Variants in GLRA3 observed in about 807,000 individuals in gnomAD.
GLRA3 encodes the protein glycine receptor alpha 3.
GLRA3 carries 44 observed loss-of-function variants against 60.4 expected under a neutral mutation model. That is an observed-to-expected ratio of 0.73 (90% CI 0.57 to 0.94). The LOEUF is 0.94. Among genes scored for constraint, GLRA3 ranks in the 40% least tolerant of loss-of-function variants. The pLI, the probability that GLRA3 is intolerant of heterozygous loss-of-function variation, is 0.00. For synonymous variants in GLRA3, 223 were observed against 192.9 expected (o/e 1.16, Z -1.29); for missense variants, 508 against 564.6 (o/e 0.90, Z 1.02).
chr4:174,784,522 A>C (rs1056471700), intron 2 of GLRA3, among the ~76,000 whole-genome samples: 1 of 151,840 alleles, frequency 6.6e-6, no homozygotes, highest in Non-Finnish European at 1.5e-5. Flanking sequence ...TAATAACATC[A>C]AAACTTAGAT....
intron 2 of GLRA3, among the ~76,000 whole-genome samples, chr4:174,787,006 C>T (rs1186987471): frequency 6.6e-6 from 1 of 152,048 alleles, no homozygotes; most frequent in Admixed American, 6.5e-5. Context: ...TTTTAAGCAA[C>T]ACCAAATCCT....
At position 174,692,711 on chromosome 4, in the gene GLRA3, T is replaced by A. The variant is rs1485309385; in HGVS notation, c.575-9772A>T. 2.6e-5 allele frequency among the ~76,000 whole-genome samples: 4 copies of A among 151,638 alleles called. No individual in the cohort carries two copies. The East Asian group carries it at 7.7e-4, about 29-fold the overall frequency. ...TAAATGGATTAAGGGCGGTGCAAGA[T>A]GTGCTTTGTTAAACAGATGCTTGAA... On this transcript the variant is annotated intron_variant, in intron 5 of 9. Transcript: ENST00000274093.
intron 3 of GLRA3, among the ~76,000 whole-genome samples, chr4:174,736,486 C>T (rs148281504): frequency 2.6e-5 from 4 of 152,218 alleles, no homozygotes; most frequent in African/African-American, 9.6e-5. Context: ...TCCTCCTCCT[C>T]TAGTCTCTGG....
chr4:174,750,731 T>G (rs1737440811), intron 3 of GLRA3, among the ~76,000 whole-genome samples: 1 of 152,082 alleles, frequency 6.6e-6, no homozygotes, highest in South Asian at 2.1e-4. Context: ...GGAGTGGTAT[T>G]CATAACATGT....
chr4:174,642,413 A>C lies in GLRA3; in HGVS notation c.*1373T>G. The C allele has an allele frequency of 1.0e-6, 1 of 958,084 alleles. No individual in the cohort carries two copies. The highest frequency in any genetic ancestry group is 1.8e-5 in the African/African-American group (1 of 56,764). The allele number at this position is 958,084 out of a possible 1,614,324, so 59.3% of individuals were successfully genotyped here. ...CCAATAATTAAAATACCTAAAAAGC[A>C]TTCCAAAGCTTTTCCAAATAAATTT... On this transcript the variant is annotated 3_prime_UTR_variant, in exon 10 of 10. Transcript: ENST00000274093.
chr4:174,823,242 T>TC (rs1740817762), intron 1 of GLRA3, among the ~76,000 whole-genome samples: 1 of 67,248 alleles, frequency 1.5e-5, no homozygotes, highest in Non-Finnish European at 4.1e-5. Flanking sequence ...AAACTAAAAC[T>TC]CAAAAAAAAA....
At chr4:174,760,910 T>C (rs80085674) in intron 3 of GLRA3, among the ~76,000 whole-genome samples, 6,078 of 152,256 alleles carry the variant, frequency 0.04, 330 homozygotes, top group African/African-American at 0.12. Context: ...TATACAAGCA[T>C]GGAGTATCTC....
chr4:174,778,701 A>G (rs1469106174), intron 2 of GLRA3, among the ~76,000 whole-genome samples: 1 of 152,222 alleles, frequency 6.6e-6, no homozygotes, highest in Non-Finnish European at 1.5e-5. Flanking sequence ...TTCCGAGTCA[A>G]AGAAAGGGGT....
At chr4:174,670,784 A>C (rs1733874146) in intron 7 of GLRA3, among the ~76,000 whole-genome samples, 1 of 152,136 alleles carries the variant, frequency 6.6e-6, no homozygotes, top group Non-Finnish European at 1.5e-5. Flanking sequence ...GATGAAATCT[A>C]GTAAGTCTAG....
At chr4:174,733,663 T>C (rs1198245807) in intron 3 of GLRA3, among the ~76,000 whole-genome samples, 1 of 152,194 alleles carries the variant, frequency 6.6e-6, no homozygotes. Flanking sequence ...AAATAAACAG[T>C]TCACCTTGCC....
At chr4:174,746,240 CCTAA>C (rs1458331132) in intron 3 of GLRA3, among the ~76,000 whole-genome samples, 3 of 152,090 alleles carry the variant, frequency 2.0e-5, no homozygotes, top group Admixed American at 6.6e-5. Flanking sequence ...ATGGAATAAA[CCTAA>C]CTGTCTATTA....
At chr4:174,734,874 A>T (rs1736708864) in intron 3 of GLRA3, among the ~76,000 whole-genome samples, 1 of 152,200 alleles carries the variant, frequency 6.6e-6, no homozygotes, top group South Asian at 2.1e-4. Flanking sequence ...ACTCTTTCAG[A>T]AGTTGAAATA....
intron 4 of GLRA3, among the ~76,000 whole-genome samples, chr4:174,725,544 G>A (rs923419434): frequency 1.3e-5 from 2 of 152,110 alleles, no homozygotes; most frequent in African/African-American, 2.4e-5. Context: ...GCAGTGGTGC[G>A]ATCTGGGCTC....
Position 174,643,751 on chromosome 4 carries a change from G to T in GLRA3, c.*35C>A. ...ACCTATGGCAGAGACACTTTCTTCTGAATTGACCATTTGCATTTGCATGCC... is the reference window on the plus strand; with the variant it reads ...ACCTATGGCAGAGACACTTTCTTCTTAATTGACCATTTGCATTTGCATGCC... On this transcript the variant is annotated 3_prime_UTR_variant, in exon 10 of 10. Coordinates refer to ENST00000274093, the MANE Select transcript of GLRA3 (RefSeq NM_006529.4). The T allele has an allele frequency of 1.3e-6, 2 of 1,596,730 alleles. No homozygotes were observed. The highest frequency in any genetic ancestry group is 1.7e-5 in the Admixed American group (1 of 58,532).
intron 7 of GLRA3, among the ~76,000 whole-genome samples, chr4:174,670,018 C>T (rs1460118082): frequency 6.6e-6 from 1 of 152,162 alleles, no homozygotes; most frequent in Admixed American, 6.5e-5. Flanking sequence ...TGAAAAGACA[C>T]AGTTATCTCT....
chr4:174,723,133 A>C (rs1224980976), intron 4 of GLRA3: 2 of 166,366 alleles, frequency 1.2e-5, no homozygotes, highest in Non-Finnish European at 2.9e-5. Context: ...AAAATACTTG[A>C]GCATTTCCAG....
chr4:174,648,393 C>A (rs965375244), intron 9 of GLRA3, among the ~76,000 whole-genome samples: 39 of 152,008 alleles, frequency 2.6e-4, no homozygotes, highest in African/African-American at 9.4e-4. Context: ...GAACCCAGGA[C>A]GTAGAGGTTG....
intron 5 of GLRA3, among the ~76,000 whole-genome samples, chr4:174,711,195 TA>T: frequency 6.6e-6 from 1 of 151,878 alleles, no homozygotes; most frequent in South Asian, 2.1e-4. Context: ...TGTTGATTCA[TA>T]AGAGGTTACT....
chr4:174,750,419 A>G (rs1235222122), intron 3 of GLRA3, among the ~76,000 whole-genome samples: 1 of 152,126 alleles, frequency 6.6e-6, no homozygotes, highest in Non-Finnish European at 1.5e-5. Flanking sequence ...ACATCCAAAG[A>G]CATAGAAAAT....
Sources: gnomAD v4.1 joint callset for allele counts (sites outside exome capture counted in the v4.1 genomes callset) on GRCh38, gnomAD v4.1.1 for gene constraint, MANE v1.5 for transcripts, NCBI Gene and HGNC (gene_info 2026-07-23, HGNC 2026-07-21) for gene names.